Variants in MAP4K3 observed in about 807,000 individuals in gnomAD.
MAP4K3 encodes the protein mitogen-activated protein kinase kinase kinase kinase 3, also known as MAPK/ERK kinase kinase kinase 3.
A neutral mutation model predicts 143.5 loss-of-function variants in MAP4K3; 94 were observed. That is an observed-to-expected ratio of 0.65 (90% CI 0.55 to 0.78). The LOEUF (loss-of-function observed/expected upper bound fraction) is 0.78, where lower values mean the gene tolerates loss of function less well. Ranked by LOEUF, MAP4K3 falls within the 30% of genes least tolerant of loss-of-function variation. MAP4K3 has a pLI of 0.00. For missense variants in MAP4K3, 1,077 were observed against 1,068.1 expected, an observed-to-expected ratio of 1.01 and a Z score of -0.12; for synonymous variants, 416 against 347.2, an observed-to-expected ratio of 1.20 and a Z score of -2.20.
At chr2:39,292,121 T>G (rs1312306767) in intron 18 of MAP4K3, among the ~76,000 whole-genome samples, 1 of 152,184 alleles carries the variant, frequency 6.6e-6, no homozygotes, top group East Asian at 1.9e-4. Context: ...TCCAAAGTAT[T>G]TGTTCACTTG....
rs145333527 is a variant in MAP4K3 at position 39,411,690 on chromosome 2, T to TA, written c.96+25201dup. 1.7e-3 allele frequency among the ~76,000 whole-genome samples: 262 copies of TA among 152,330 alleles called. 6 individuals are homozygous for TA. The East Asian group carries it at 0.025, about 15-fold the overall frequency. On this transcript the variant is annotated intron_variant, in intron 1 of 33. Coordinates refer to ENST00000263881, the MANE Select transcript of MAP4K3 (RefSeq NM_003618.4). ...CTAAGTGCATCAAGTATCTGTCAAG[T>TA]ACTTTCATGAGCACAGAAGTTTGTC...
chr2:39,268,608 A>G (rs1680873015), intron 26 of MAP4K3, among the ~76,000 whole-genome samples: 1 of 138,208 alleles, frequency 7.2e-6, no homozygotes, highest in Non-Finnish European at 1.5e-5. Flanking sequence ...GGTGTGAGCC[A>G]CTGTGCCCGG....
Position 39,250,680 on chromosome 2 carries a change from T to C in MAP4K3, c.2623A>G (p.Thr875Ala), listed in dbSNP as rs756737289. ...DRVVVLESRP[T>A]DNPTANSNLY... is the part of the protein sequence containing the mutation. Reference sequence around the variant, plus strand: ...TTGCTATTTGCTGTGGGGTTATCAGTTGGCCTACTTTCCAAAACCACGACC... The same window carrying C: ...TTGCTATTTGCTGTGGGGTTATCAGCTGGCCTACTTTCCAAAACCACGACC... Residue 875 changes from threonine (T) to alanine (A), a missense_variant, in exon 34 of 34, where the codon ACT becomes GCT. Coordinates refer to ENST00000263881, the MANE Select transcript of MAP4K3 (RefSeq NM_003618.4). 9 of 1,613,778 alleles carry C rather than the reference T, an allele frequency of 5.6e-6. No individual in the cohort carries two copies. Among genetic ancestry groups the C allele is most frequent in the Non-Finnish European group, 7.6e-6 (9 of 1,179,848 alleles).
intron 31 of MAP4K3, among the ~76,000 whole-genome samples, chr2:39,256,476 T>C (rs1680346444): frequency 6.6e-6 from 1 of 152,224 alleles, no homozygotes; most frequent in Non-Finnish European, 1.5e-5. Flanking sequence ...TGACAGATTT[T>C]ACTGAATGCT....
At chr2:39,323,005 T>A (rs1683364733) in intron 12 of MAP4K3, among the ~76,000 whole-genome samples, 1 of 152,148 alleles carries the variant, frequency 6.6e-6, no homozygotes, top group South Asian at 2.1e-4. Flanking sequence ...AGTTCTAGTA[T>A]CACAGTAAGT....
chr2:39,313,736 C>T (rs1683021418), intron 13 of MAP4K3, among the ~76,000 whole-genome samples: 1 of 152,154 alleles, frequency 6.6e-6, no homozygotes, highest in African/African-American at 2.4e-5. Flanking sequence ...TGGTCTCCAG[C>T]TCCTGACCTC....
intron 24 of MAP4K3, among the ~76,000 whole-genome samples, chr2:39,276,607 G>A (rs981597355): frequency 5.3e-5 from 8 of 152,240 alleles, no homozygotes; most frequent in Non-Finnish European, 1.0e-4. Flanking sequence ...CATCCGTGAA[G>A]TGAGATTATC....
intron 12 of MAP4K3, among the ~76,000 whole-genome samples, chr2:39,316,700 T>C (rs1176014605): frequency 6.6e-6 from 1 of 152,144 alleles, no homozygotes; most frequent in African/African-American, 2.4e-5. Context: ...CTAAATAATT[T>C]GTTTTGTTTC....
chr2:39,330,952 C>T (rs1683663472), intron 8 of MAP4K3, among the ~76,000 whole-genome samples: 1 of 152,078 alleles, frequency 6.6e-6, no homozygotes, highest in African/African-American at 2.4e-5. Flanking sequence ...TGTCATAACG[C>T]AGTATCTGTA....
At chr2:39,397,665 T>C (rs1666845067) in intron 1 of MAP4K3, among the ~76,000 whole-genome samples, 1 of 152,052 alleles carries the variant, frequency 6.6e-6, no homozygotes. Context: ...CCAGGAAAAC[T>C]CTGAAAATGA....
intron 2 of MAP4K3, among the ~76,000 whole-genome samples, chr2:39,360,041 C>G (rs1665722287): frequency 6.6e-6 from 1 of 152,226 alleles, no homozygotes; most frequent in Admixed American, 6.5e-5. Context: ...GTTTGAATTT[C>G]TCCTGAGGAA....
chr2:39,331,306 G>C (rs1166193058), intron 8 of MAP4K3, among the ~76,000 whole-genome samples: 2 of 152,088 alleles, frequency 1.3e-5, no homozygotes, highest in Non-Finnish European at 2.9e-5. Context: ...AGCATAGTAA[G>C]CGGCCAAAAA....
intron 1 of MAP4K3, among the ~76,000 whole-genome samples, chr2:39,400,002 C>G (rs1666910335): frequency 6.6e-6 from 1 of 152,136 alleles, no homozygotes; most frequent in South Asian, 2.1e-4. Context: ...TTTCCCCAGA[C>G]TTCAGTAAGC....
At chr2:39,336,572 G>A (rs916417109) in intron 6 of MAP4K3, among the ~76,000 whole-genome samples, 5 of 147,898 alleles carry the variant, frequency 3.4e-5, no homozygotes, top group Non-Finnish European at 6.0e-5. Flanking sequence ...TTAAGACTGC[G>A]AAAGCTCACT....
chr2:39,265,938 G>T (rs1217661492), intron 27 of MAP4K3, among the ~76,000 whole-genome samples: 1 of 151,994 alleles, frequency 6.6e-6, no homozygotes, highest in Non-Finnish European at 1.5e-5. Flanking sequence ...AATATATTTG[G>T]AATAAAGATA....
At position 39,315,283 on chromosome 2, in the gene MAP4K3, C is replaced by A. The variant is rs371494181; in HGVS notation, c.997+27G>T. 3 of 1,407,146 alleles carry A rather than the reference C, an allele frequency of 2.1e-6. No homozygotes were observed. The South Asian group carries it at 3.8e-5, about 18-fold the overall frequency. The allele number at this position is 1,407,146 out of a possible 1,614,324, so 87.2% of individuals were successfully genotyped here. ...TATAACTTATTTTCTATCATTAAAT[C>A]ATAAACTGTGTATAGTATATACTTA... On this transcript the variant is annotated intron_variant, in intron 13 of 33. Transcript: ENST00000263881.
At chr2:39,357,707 T>C (rs956103619) in intron 2 of MAP4K3, among the ~76,000 whole-genome samples, 49 of 152,212 alleles carry the variant, frequency 3.2e-4, no homozygotes, top group African/African-American at 1.0e-3. Flanking sequence ...CTTCCCACCA[T>C]TGAGGATTCC....
At chr2:39,365,005 A>C (rs1665881047) in intron 2 of MAP4K3, among the ~76,000 whole-genome samples, 1 of 152,226 alleles carries the variant, frequency 6.6e-6, no homozygotes, top group Non-Finnish European at 1.5e-5. Flanking sequence ...TGGATCAGGA[A>C]AAAGACCTGG....
intron 1 of MAP4K3, among the ~76,000 whole-genome samples, chr2:39,425,736 C>A (rs1333171321): frequency 6.6e-6 from 1 of 152,068 alleles, no homozygotes; most frequent in African/African-American, 2.4e-5. Flanking sequence ...AGATAAAATC[C>A]AACTGGCCAA....
Sources: allele counts gnomAD v4.1 joint callset (sites outside exome capture counted in the v4.1 genomes callset), GRCh38; gene constraint gnomAD v4.1.1; transcripts MANE v1.5; gene names NCBI Gene and HGNC (gene_info 2026-07-23, HGNC 2026-07-21).